PRKG1: variants seen among roughly 807,000 people sequenced by gnomAD.
PRKG1 encodes protein kinase cGMP-dependent 1, also known as cGMP-dependent protein kinase 1.
In PRKG1, 35 loss-of-function variants were observed where a neutral mutation model predicts 88.1. The observed-to-expected ratio is 0.40, with a 90% confidence interval of 0.30 to 0.53. PRKG1 has a LOEUF of 0.53. Among genes scored for constraint, PRKG1 ranks in the 20% least tolerant of loss-of-function variants. The pLI, the probability that PRKG1 is intolerant of heterozygous loss-of-function variation, is 0.59. For synonymous variants in PRKG1, 303 were observed against 292.5 expected (o/e 1.04, Z -0.37); for missense variants, 540 against 839.8 (o/e 0.64, Z 4.41).
chr10:51,835,193 G>A (rs770598278), intron 4 of PRKG1, among the ~76,000 whole-genome samples: 17 of 152,190 alleles, frequency 1.1e-4, no homozygotes, highest in Non-Finnish European at 1.9e-4. Flanking sequence ...AATAGCTTCC[G>A]AAGTCTCTGG....
At chr10:51,810,854 T>C (rs1839438668) in intron 4 of PRKG1, among the ~76,000 whole-genome samples, 2 of 152,212 alleles carry the variant, frequency 1.3e-5, no homozygotes, top group African/African-American at 2.4e-5. Context: ...GAAACTTCTG[T>C]TTAATTGCTT....
intron 2 of PRKG1, among the ~76,000 whole-genome samples, chr10:51,424,474 T>C (rs183076002): frequency 6.6e-4 from 100 of 152,276 alleles, no homozygotes; most frequent in African/African-American, 2.3e-3. Flanking sequence ...AATAGGTACC[T>C]GTGTTAAAAT....
chr10:51,030,304 T>C (rs984420458), intron 1 of PRKG1, among the ~76,000 whole-genome samples: 13 of 152,156 alleles, frequency 8.5e-5, no homozygotes, highest in Admixed American at 8.5e-4. Context: ...TTTAAAAGAA[T>C]TATAAATATC....
intron 2 of PRKG1, among the ~76,000 whole-genome samples, chr10:51,442,481 TC>T (rs1268064143): frequency 1.3e-5 from 2 of 152,034 alleles, no homozygotes; most frequent in African/African-American, 4.8e-5. Flanking sequence ...TGACAATTTT[TC>T]AGCATATCTC....
chr10:51,155,507 A>G (rs757834101), intron 2 of PRKG1, among the ~76,000 whole-genome samples: 1 of 152,022 alleles, frequency 6.6e-6, no homozygotes, highest in Non-Finnish European at 1.5e-5. Context: ...ACTAGTTTAT[A>G]GTAGAGTCAG....
chr10:51,990,401 A>T (rs1844273870), intron 5 of PRKG1, among the ~76,000 whole-genome samples: 1 of 152,076 alleles, frequency 6.6e-6, no homozygotes, highest in African/African-American at 2.4e-5. Flanking sequence ...ATTGTATTGA[A>T]TCTGTAGATA....
intron 1 of PRKG1, among the ~76,000 whole-genome samples, chr10:51,131,080 C>A (rs953672724): frequency 1.3e-5 from 2 of 152,164 alleles, no homozygotes; most frequent in South Asian, 2.1e-4. Flanking sequence ...GCATTTATTT[C>A]TTTTTAGTAA....
At chr10:51,568,238 A>G (rs748160085) in intron 3 of PRKG1, among the ~76,000 whole-genome samples, 13 of 152,138 alleles carry the variant, frequency 8.5e-5, no homozygotes, top group Middle Eastern at 3.4e-3. Context: ...ATGACATTTT[A>G]TTGGCAGATT....
chr10:52,036,411 G>C (rs1233209548), intron 5 of PRKG1, among the ~76,000 whole-genome samples: 1 of 150,552 alleles, frequency 6.6e-6, no homozygotes, highest in African/African-American at 2.5e-5. Context: ...GGTAAAATGG[G>C]GGAATTGTAA....
At chr10:51,923,701 G>T in intron 5 of PRKG1, among the ~76,000 whole-genome samples, 1 of 151,168 alleles carries the variant, frequency 6.6e-6, no homozygotes, top group African/African-American at 2.4e-5. Flanking sequence ...TCATTCATCA[G>T]ATCTATTCAT....
At chr10:51,667,474 T>C (rs1271106864) in intron 3 of PRKG1, among the ~76,000 whole-genome samples, 1 of 152,210 alleles carries the variant, frequency 6.6e-6, no homozygotes, top group African/African-American at 2.4e-5. Flanking sequence ...TAAATAATGA[T>C]GACTTAGGAT....
At chr10:51,014,415 A>C (rs943559692) in intron 1 of PRKG1, among the ~76,000 whole-genome samples, 1 of 151,676 alleles carries the variant, frequency 6.6e-6, no homozygotes. Context: ...TATGAATCAG[A>C]GTTGTCTTTG....
chr10:51,989,405 G>A (rs1201857827), intron 5 of PRKG1, among the ~76,000 whole-genome samples: 2 of 71,216 alleles, frequency 2.8e-5, no homozygotes, highest in African/African-American at 3.9e-5. Context: ...TGGAAGGGAC[G>A]GATGAGGCAG....
At chr10:52,087,847 A>G (rs1564463610) in intron 7 of PRKG1, among the ~76,000 whole-genome samples, 1 of 152,172 alleles carries the variant, frequency 6.6e-6, no homozygotes, top group Admixed American at 6.5e-5. Flanking sequence ...AAAATAGAGA[A>G]AAAGCAAAAC....
At chr10:51,889,720 T>C (rs1841668707) in intron 4 of PRKG1, among the ~76,000 whole-genome samples, 1 of 152,186 alleles carries the variant, frequency 6.6e-6, no homozygotes. Context: ...CCAGCACCTG[T>C]TGTTTCCTGA....
chr10:51,517,483 G>T (rs542476006), intron 3 of PRKG1, among the ~76,000 whole-genome samples: 1 of 152,318 alleles, frequency 6.6e-6, no homozygotes, highest in East Asian at 1.9e-4. Flanking sequence ...GGGACAGCAG[G>T]CGTCAAGGAT....
chr10:51,786,857 A>G (rs1192108597), intron 3 of PRKG1, among the ~76,000 whole-genome samples: 1 of 152,188 alleles, frequency 6.6e-6, no homozygotes, highest in Admixed American at 6.6e-5. Context: ...CCACTTAGTC[A>G]TAACTTTCAA....
intron 9 of PRKG1, among the ~76,000 whole-genome samples, chr10:52,191,046 T>C (rs1473049576): frequency 1.3e-5 from 2 of 152,236 alleles, no homozygotes; most frequent in Non-Finnish European, 2.9e-5. Context: ...GCTTTTAAAG[T>C]TGATTTGTTT....
At chr10:51,986,764 G>T (rs151213265) in intron 5 of PRKG1, among the ~76,000 whole-genome samples, 2 of 152,150 alleles carry the variant, frequency 1.3e-5, no homozygotes, top group East Asian at 3.9e-4. Flanking sequence ...CTTAGAGCTC[G>T]TATGAGATAC....
Sources: allele counts gnomAD v4.1 joint callset (sites outside exome capture counted in the v4.1 genomes callset), GRCh38; gene constraint gnomAD v4.1.1; transcripts MANE v1.5; gene names NCBI Gene and HGNC (gene_info 2026-07-23, HGNC 2026-07-21).